LUZP2: variants seen among roughly 807,000 people sequenced by gnomAD.
LUZP2 encodes the protein leucine zipper protein 2.
A neutral mutation model predicts 51.6 loss-of-function variants in LUZP2; 52 were observed. The ratio of observed to expected loss-of-function variants is 1.01; its 90% CI spans 0.81 to 1.27. LUZP2 has a LOEUF of 1.27. Among genes scored for constraint, LUZP2 ranks in the 50% most tolerant of loss-of-function variants. LUZP2 has a pLI of 0.00. For synonymous variants in LUZP2, 154 were observed against 137.3 expected (o/e 1.12, Z -0.85); for missense variants, 436 against 395.4 (o/e 1.10, Z -0.87).
intron 1 of LUZP2, among the ~76,000 whole-genome samples, chr11:24,535,297 C>G (rs924711187): frequency 4.0e-5 from 6 of 151,380 alleles, no homozygotes; most frequent in Non-Finnish European, 5.9e-5. Flanking sequence ...AATAAAACAA[C>G]AATAAAGTTT....
intron 1 of LUZP2, among the ~76,000 whole-genome samples, chr11:24,710,035 T>A (rs1253671415): frequency 6.6e-6 from 1 of 152,166 alleles, no homozygotes; most frequent in Non-Finnish European, 1.5e-5. Flanking sequence ...GATGAGATCC[T>A]TTTTATTTGC....
rs1329258359 is a variant in LUZP2, at chr11:25,080,705, A to G, written c.*2047A>G. 2 of 152,120 alleles carry G rather than the reference A, an allele frequency of 1.3e-5. No individual in the cohort carries two copies. Among genetic ancestry groups the G allele is most frequent in the East Asian group, 3.9e-4 (2 of 5,174 alleles). 9.4% of individuals were successfully genotyped at this position (152,120 alleles called of 1,614,324 possible). A position where few individuals can be genotyped will look rare whatever the true frequency, so the allele number is the denominator to read the frequency against. On this transcript the variant is annotated 3_prime_UTR_variant, in exon 12 of 12. Transcript: ENST00000336930. ...CTATAGGTTCCTGACAGGGAAGCAGATCATTTAGTTTTAATTTATGTTCAG... is the reference window on the plus strand; with the variant it reads ...CTATAGGTTCCTGACAGGGAAGCAGGTCATTTAGTTTTAATTTATGTTCAG...
At chr11:25,037,633 AC>A (rs1355599244) in intron 9 of LUZP2, among the ~76,000 whole-genome samples, 2 of 151,928 alleles carry the variant, frequency 1.3e-5, no homozygotes, top group African/African-American at 4.8e-5. Flanking sequence ...TCCCTTAAAG[AC>A]CTCTGATAAG....
chr11:24,924,464 CTGT>C lies in LUZP2; in HGVS notation c.522+9928_522+9930del, dbSNP rs891378707. On this transcript the variant is annotated intron_variant, in intron 7 of 11. Transcript: ENST00000336930. ...GTAGAATGTTGAAATCTCCCAAATGCTGTTTGGAAGAAGCACAGATCACAGATG... is the reference window on the plus strand; with the variant it reads ...GTAGAATGTTGAAATCTCCCAAATGCTTGGAAGAAGCACAGATCACAGATG... 3.2e-3 allele frequency among the ~76,000 whole-genome samples: 487 copies of C among 152,282 alleles called. 3 individuals are homozygous for C. Among genetic ancestry groups the C allele is most frequent in the African/African-American group, 0.011 (449 of 41,556 alleles).
chr11:24,677,003 C>CA (rs1856579333), intron 1 of LUZP2, among the ~76,000 whole-genome samples: 1 of 152,040 alleles, frequency 6.6e-6, no homozygotes. Context: ...TGTAATTCCA[C>CA]AAAAAATTCT....
intron 10 of LUZP2, among the ~76,000 whole-genome samples, chr11:25,057,985 G>T (rs1467779411): frequency 3.3e-5 from 5 of 151,820 alleles, no homozygotes; most frequent in African/African-American, 9.7e-5. Flanking sequence ...GCATTTGATG[G>T]TTTGGATGAG....
chr11:24,651,772 C>T (rs1285674846), intron 1 of LUZP2, among the ~76,000 whole-genome samples: 1 of 152,044 alleles, frequency 6.6e-6, no homozygotes, highest in African/African-American at 2.4e-5. Context: ...TGTGGGTAGG[C>T]CTCCTCCAAT....
intron 5 of LUZP2, among the ~76,000 whole-genome samples, chr11:24,905,155 A>C (rs1853406858): frequency 6.6e-6 from 1 of 152,170 alleles, no homozygotes; most frequent in African/African-American, 2.4e-5. Context: ...ATTTGTTGTG[A>C]TGTAAGAATA....
chr11:24,814,633 C>T (rs1590578042), intron 5 of LUZP2, among the ~76,000 whole-genome samples: 1 of 152,174 alleles, frequency 6.6e-6, no homozygotes, highest in Non-Finnish European at 1.5e-5. Flanking sequence ...ATGGTAGTTA[C>T]AGCTTAGTAT....
chr11:24,967,354 ATCTT>A (rs1343046103), intron 7 of LUZP2, among the ~76,000 whole-genome samples: 1 of 119,838 alleles, frequency 8.3e-6, no homozygotes, highest in Non-Finnish European at 1.7e-5. Flanking sequence ...GACATTGTAT[ATCTT>A]TCTGTTTATT....
At chr11:25,060,711 A>G (rs1241219533) in intron 10 of LUZP2, among the ~76,000 whole-genome samples, 1 of 152,182 alleles carries the variant, frequency 6.6e-6, no homozygotes, top group Non-Finnish European at 1.5e-5. Flanking sequence ...TCAACAGTAT[A>G]AATAAAAAGA....
chr11:24,501,811 A>T (rs1226393964), intron 1 of LUZP2, among the ~76,000 whole-genome samples: 1 of 152,248 alleles, frequency 6.6e-6, no homozygotes, highest in Non-Finnish European at 1.5e-5. Context: ...ATAATGATAT[A>T]TAAAACAAAA....
chr11:24,527,104 C>T (rs1850831113), intron 1 of LUZP2, among the ~76,000 whole-genome samples: 1 of 151,354 alleles, frequency 6.6e-6, no homozygotes, highest in South Asian at 2.1e-4. Context: ...ATTTGGGATT[C>T]TCTTAGCCAG....
chr11:24,962,037 G>A (rs1316850149), intron 7 of LUZP2, among the ~76,000 whole-genome samples: 4 of 151,716 alleles, frequency 2.6e-5, no homozygotes, highest in Admixed American at 6.6e-5. Flanking sequence ...GAAATTCTGG[G>A]TTGAAAATTC....
At chr11:24,968,190 T>A (rs1391730208) in intron 7 of LUZP2, among the ~76,000 whole-genome samples, 1 of 151,888 alleles carries the variant, frequency 6.6e-6, no homozygotes, top group Non-Finnish European at 1.5e-5. Context: ...TTTTTTAAGG[T>A]AGGTTTGAAA....
chr11:24,830,820 C>G (rs1170090856), intron 5 of LUZP2, among the ~76,000 whole-genome samples: 2 of 151,688 alleles, frequency 1.3e-5, no homozygotes, highest in African/African-American at 2.4e-5. Flanking sequence ...TGGTGAAACC[C>G]CGTCTCTACT....
intron 1 of LUZP2, among the ~76,000 whole-genome samples, chr11:24,596,849 G>A (rs1429470117): frequency 1.3e-5 from 2 of 152,164 alleles, no homozygotes; most frequent in South Asian, 2.1e-4. Context: ...TGATTGCTAC[G>A]ATATGCTGCA....
intron 1 of LUZP2, among the ~76,000 whole-genome samples, chr11:24,567,918 G>A (rs1297536359): frequency 6.6e-6 from 1 of 151,936 alleles, no homozygotes; most frequent in Non-Finnish European, 1.5e-5. Context: ...TGGTAAGAAG[G>A]TAAATATAAA....
At chr11:25,008,181 A>C (rs1185506274) in intron 9 of LUZP2, among the ~76,000 whole-genome samples, 1 of 152,138 alleles carries the variant, frequency 6.6e-6, no homozygotes, top group East Asian at 1.9e-4. Context: ...AGCTCATGCT[A>C]CTGGCCTGGA....
Sources: gnomAD v4.1 joint callset for allele counts (sites outside exome capture counted in the v4.1 genomes callset) on GRCh38, gnomAD v4.1.1 for gene constraint, MANE v1.5 for transcripts, NCBI Gene and HGNC (gene_info 2026-07-23, HGNC 2026-07-21) for gene names.